The following PRORP variants were observed in gnomAD, a reference collection of about 807,000 sequenced individuals.
PRORP encodes the protein mitochondrial ribonuclease P catalytic subunit.
Under a neutral mutation model 59.4 loss-of-function variants are expected in PRORP, and 51 were observed. The observed-to-expected ratio is 0.86, with a 90% CI of 0.69 to 1.08. PRORP has a LOEUF of 1.08. Ranked by LOEUF, PRORP falls within the 50% of genes least tolerant of loss-of-function variation. The pLI is 0.00. For missense variants in PRORP, 646 were observed against 690.3 expected (o/e 0.94, Z 0.72); for synonymous variants, 231 against 245.6 (o/e 0.94, Z 0.55).
intron 4 of PRORP, among the ~76,000 whole-genome samples, chr14:35,176,776 A>G (rs1237176981): frequency 6.6e-6 from 1 of 152,126 alleles, no homozygotes; most frequent in Admixed American, 6.6e-5. Context: ...TTCCAACACT[A>G]TGTTGAATAG....
In PRORP at chr14:35,145,921, C is replaced by T. The variant is rs562174826; in HGVS notation, c.1167+18310C>T. Reference sequence around the variant, plus strand: ...TCGGCTCACTGCAACCTCCGCCTCCCGGGTTCAAGCGATTCTCCTGCCTCA... The same window carrying T: ...TCGGCTCACTGCAACCTCCGCCTCCTGGGTTCAAGCGATTCTCCTGCCTCA... On this transcript the variant is annotated intron_variant, in intron 4 of 7. Transcript: ENST00000534898. 7.9e-4 allele frequency among the ~76,000 whole-genome samples: 119 copies of T among 151,434 alleles called. 1 individual carries two copies. The highest frequency in any genetic ancestry group is 2.6e-3 in the African/African-American group (107 of 41,284).
intron 5 of PRORP, among the ~76,000 whole-genome samples, chr14:35,244,225 T>C (rs1010342291): frequency 4.6e-5 from 7 of 152,238 alleles, no homozygotes; most frequent in African/African-American, 1.4e-4. Flanking sequence ...ACTATAGTTA[T>C]GTTAATGTAA....
chr14:35,125,525 A>G (rs1480491834), intron 2 of PRORP, among the ~76,000 whole-genome samples: 4 of 152,018 alleles, frequency 2.6e-5, no homozygotes, highest in Non-Finnish European at 4.4e-5. Flanking sequence ...CTTAGTCATT[A>G]TTTCTTCATT....
At chr14:35,226,000 G>A (rs11848999) in intron 5 of PRORP, among the ~76,000 whole-genome samples, 8,240 of 152,268 alleles carry the variant, frequency 0.054, 386 homozygotes, top group Admixed American at 0.15. Flanking sequence ...GACTTCTGGT[G>A]ACCTAGTGAT....
chr14:35,226,804 G>A (rs1298485780), intron 5 of PRORP, among the ~76,000 whole-genome samples: 1 of 151,930 alleles, frequency 6.6e-6, no homozygotes, highest in East Asian at 1.9e-4. Flanking sequence ...GTGCAATCAT[G>A]GCTCACTGCA....
chr14:35,140,661 C>G (rs1195613210), intron 4 of PRORP, among the ~76,000 whole-genome samples: 1 of 145,342 alleles, frequency 6.9e-6, no homozygotes, highest in African/African-American at 2.4e-5. Flanking sequence ...CATGGAGATT[C>G]TGATTTAATT....
chr14:35,236,999 C>A (rs1001405541), intron 5 of PRORP, among the ~76,000 whole-genome samples: 10 of 148,966 alleles, frequency 6.7e-5, no homozygotes, highest in African/African-American at 2.5e-4. Context: ...CCCTCCTTCC[C>A]TCCTTCACTC....
chr14:35,255,344 G>C (rs2050724004), intron 5 of PRORP, among the ~76,000 whole-genome samples: 2 of 151,964 alleles, frequency 1.3e-5, no homozygotes, highest in South Asian at 4.1e-4. Context: ...TGGTCAGGCT[G>C]GTCTCGAACT....
intron 5 of PRORP, among the ~76,000 whole-genome samples, chr14:35,258,677 C>T (rs1018401518): frequency 3.9e-5 from 6 of 151,922 alleles, no homozygotes; most frequent in South Asian, 2.1e-4. Context: ...GCAGAGATAC[C>T]GTATTTTAGG....
intron 4 of PRORP, among the ~76,000 whole-genome samples, chr14:35,161,412 A>G (rs943010336): frequency 2.0e-5 from 3 of 152,184 alleles, no homozygotes; most frequent in African/African-American, 7.2e-5. Context: ...GGGAAGTTAG[A>G]CACTGTGTTG....
intron 5 of PRORP, among the ~76,000 whole-genome samples, chr14:35,233,231 T>C (rs2050126864): frequency 6.7e-6 from 1 of 150,114 alleles, no homozygotes; most frequent in Non-Finnish European, 1.5e-5. Flanking sequence ...GAGCTAACAT[T>C]GTTTCTGATA....
At chr14:35,152,679 C>A (rs1260204511) in intron 4 of PRORP, among the ~76,000 whole-genome samples, 4 of 149,604 alleles carry the variant, frequency 2.7e-5, no homozygotes, top group Non-Finnish European at 3.0e-5. Context: ...CCAGACGGGG[C>A]GGCTGCCGGG....
intron 4 of PRORP, among the ~76,000 whole-genome samples, chr14:35,174,988 C>T (rs771232750): frequency 3.4e-5 from 5 of 148,428 alleles, no homozygotes; most frequent in Middle Eastern, 3.5e-3. Flanking sequence ...TAAGAACACG[C>T]GGTGTTTGGT....
intron 4 of PRORP, among the ~76,000 whole-genome samples, chr14:35,159,367 C>T (rs1404546059): frequency 3.3e-5 from 5 of 152,174 alleles, no homozygotes; most frequent in African/African-American, 9.7e-5. Flanking sequence ...GTTTTTCCTT[C>T]GTGACTATCT....
At chr14:35,149,057 A>T (rs8019187) in intron 4 of PRORP, among the ~76,000 whole-genome samples, 147,841 of 147,858 alleles carry the variant, frequency 1, 73,912 homozygotes, top group Middle Eastern at 1. Flanking sequence ...TAGCTGGGAC[A>T]ACAGGCGCCC....
At chr14:35,263,068 A>T (rs2050945514) in intron 5 of PRORP, 6 of 1,399,014 alleles carry the variant, frequency 4.3e-6, no homozygotes, top group Middle Eastern at 2.5e-4. Context: ...CTGAAACAAG[A>T]TGCCGGATGA....
chr14:35,258,297 T>C (rs2050809724), intron 5 of PRORP, among the ~76,000 whole-genome samples: 1 of 152,180 alleles, frequency 6.6e-6, no homozygotes, highest in Non-Finnish European at 1.5e-5. Context: ...TGGCAAAATA[T>C]GTTTTTATTC....
intron 4 of PRORP, among the ~76,000 whole-genome samples, chr14:35,148,055 C>T (rs891437992): frequency 6.6e-6 from 1 of 152,206 alleles, no homozygotes; most frequent in East Asian, 1.9e-4. Context: ...TTGAATCCCT[C>T]CGAGTCATCC....
At chr14:35,174,907 G>A (rs2048409682) in intron 4 of PRORP, among the ~76,000 whole-genome samples, 1 of 92,686 alleles carries the variant, frequency 1.1e-5, no homozygotes, top group African/African-American at 4.5e-5. Flanking sequence ...CCCACCCCAC[G>A]ACAAGCCCTG....
Sources: gnomAD v4.1 joint callset for allele counts (sites outside exome capture counted in the v4.1 genomes callset) on GRCh38, gnomAD v4.1.1 for gene constraint, MANE v1.5 for transcripts, NCBI Gene and HGNC (gene_info 2026-07-23, HGNC 2026-07-21) for gene names.